The following DMD variants were observed in gnomAD, a reference collection of about 807,000 sequenced individuals.
The protein encoded by DMD is mutant dystrophin.
DMD carries 63 observed loss-of-function variants against 330.1 expected under a neutral mutation model. The observed-to-expected ratio is 0.19, with a 90% CI of 0.16 to 0.24. DMD has a LOEUF of 0.24. Among genes scored for constraint, DMD ranks in the 10% least tolerant of loss-of-function variants. The pLI is 1.00. For synonymous variants in DMD, 1,223 were observed against 959.8 expected (o/e 1.27, Z -5.07); for missense variants, 3,344 against 2,684.1 (o/e 1.25, Z -5.43).
intron 54 of DMD, among the ~76,000 whole-genome samples, chrX:31,650,823 A>G (rs1294968372): frequency 9.0e-6 from 1 of 110,542 alleles, no homozygotes; most frequent in Non-Finnish European, 1.9e-5. Context: ...TCAGGAGGGT[A>G]AAAAAAAAGC....
chrX:33,270,346 A>G (rs5928219), intron 1 of DMD, among the ~76,000 whole-genome samples: 12,371 of 110,554 alleles, frequency 0.11, 635 homozygotes, highest in Non-Finnish European at 0.16. Context: ...AAAAAAAAAA[A>G]TCAGACAAAG....
At chrX:32,782,902 T>C (rs73462817) in intron 7 of DMD, among the ~76,000 whole-genome samples, 5,711 of 104,941 alleles carry the variant, frequency 0.054, 464 homozygotes, top group African/African-American at 0.19. Flanking sequence ...TATACACATA[T>C]ATATCATATA....
chrX:31,787,098 C>T lies in DMD; in HGVS notation c.7310-12906G>A, dbSNP rs766875850. Among the ~76,000 whole-genome samples, 17 of 112,003 alleles carry T rather than the reference C, an allele frequency of 1.5e-4. No individual in the cohort carries two copies. In the South Asian group the frequency reaches 1.9e-3, roughly 12 times the overall value. ...TTTTTAAAGTTAATTATAAGCCAGGCGCTGTGGCTCATGCCTGTAATACCA... is the reference window on the plus strand; with the variant it reads ...TTTTTAAAGTTAATTATAAGCCAGGTGCTGTGGCTCATGCCTGTAATACCA... On this transcript the variant is annotated intron_variant, in intron 50 of 78. Transcript: ENST00000357033.
At chrX:32,275,254 T>C (rs139075086) in intron 43 of DMD, among the ~76,000 whole-genome samples, 373 of 112,095 alleles carry the variant, frequency 3.3e-3, no homozygotes, top group African/African-American at 0.011. Context: ...CTACGCTTGA[T>C]GGAGGGAGAT....
At chrX:31,645,494 G>A (rs951005900) in intron 54 of DMD, among the ~76,000 whole-genome samples, 15 of 112,206 alleles carry the variant, frequency 1.3e-4, no homozygotes, top group African/African-American at 4.5e-4. Flanking sequence ...CAAAATTCAC[G>A]TAACACAAAT....
chrX:32,501,778 G>T lies in DMD; in HGVS notation c.2357C>A (p.Ala786Asp), dbSNP rs1363499842. Residue 786 changes from alanine (A) to aspartate (D), a missense_variant, in exon 19 of 79, where the codon GCC (alanine) becomes GAC (aspartate). Physicochemically the swap from Ala to Asp is moderately radical, Grantham distance 126. Transcript: ENST00000357033. ...ACCATTCACCATCTGTTCCACCAGG[G>T]CCTGAGCTGATCTGCTGGCATCTTG... ...KLQDASRSAQ[A>D]LVEQMVNEGV... 2 of 1,208,377 alleles carry T rather than the reference G, an allele frequency of 1.7e-6. No individual in the cohort carries two copies. Among genetic ancestry groups the T allele is most frequent in the South Asian group, 3.5e-5 (2 of 56,473 alleles).
At chrX:33,033,123 T>A (rs1362811436) in intron 1 of DMD, among the ~76,000 whole-genome samples, 1 of 111,195 alleles carries the variant, frequency 9.0e-6, no homozygotes, top group East Asian at 2.8e-4. Flanking sequence ...ATTATCCAAG[T>A]GGCAGAGCAA....
intron 1 of DMD, among the ~76,000 whole-genome samples, chrX:33,239,476 C>A (rs1423687916): frequency 1.8e-5 from 2 of 109,968 alleles, no homozygotes; most frequent in Non-Finnish European, 3.8e-5. Flanking sequence ...AGGGCAATAC[C>A]TTTACTTATT....
intron 29 of DMD, among the ~76,000 whole-genome samples, chrX:32,417,822 T>TACACACAC (rs397933423): frequency 3.8e-5 from 4 of 105,338 alleles, no homozygotes; most frequent in Non-Finnish European, 5.9e-5. Flanking sequence ...GTATCTCTGT[T>TACACACAC]ACACACACAC....
At chrX:31,501,822 T>C (rs1443876816) in intron 56 of DMD, among the ~76,000 whole-genome samples, 1 of 111,636 alleles carries the variant, frequency 9.0e-6, no homozygotes, top group African/African-American at 3.3e-5. Context: ...TCCCTATAAA[T>C]CTTTAGTACC....
intron 60 of DMD, among the ~76,000 whole-genome samples, chrX:31,407,561 T>C (rs1489606409): frequency 9.5e-6 from 1 of 105,555 alleles, no homozygotes; most frequent in African/African-American, 3.5e-5. Flanking sequence ...GAGCTTCACC[T>C]CCCGGGTTCA....
At chrX:32,773,048 T>TC (rs2073792784) in intron 7 of DMD, among the ~76,000 whole-genome samples, 2 of 111,826 alleles carry the variant, frequency 1.8e-5, no homozygotes, top group Admixed American at 9.5e-5. Context: ...GTCATGCTCC[T>TC]CTTCTGAGAG....
At chrX:31,343,382 G>A (rs1038402428) in intron 61 of DMD, among the ~76,000 whole-genome samples, 8 of 110,983 alleles carry the variant, frequency 7.2e-5, no homozygotes, top group Non-Finnish European at 1.1e-4. Context: ...GTCTATCAGC[G>A]GAGAAGGGTC....
At chrX:32,335,471 CATGT>C (rs1209702620) in intron 41 of DMD, among the ~76,000 whole-genome samples, 10 of 98,301 alleles carry the variant, frequency 1.0e-4, no homozygotes, top group African/African-American at 2.2e-4. Context: ...GTATATATAA[CATGT>C]ATTTATAACA....
chrX:31,436,917 TTC>T (rs1180510342), intron 60 of DMD, among the ~76,000 whole-genome samples: 4 of 112,020 alleles, frequency 3.6e-5, no homozygotes, highest in Non-Finnish European at 7.5e-5. Flanking sequence ...AAACACATAC[TTC>T]TTTCTTTTTT....
At chrX:32,375,728 TA>T (rs2097899846) in intron 34 of DMD, among the ~76,000 whole-genome samples, 1 of 111,730 alleles carries the variant, frequency 9.0e-6, no homozygotes, top group South Asian at 3.7e-4. Flanking sequence ...GCTTTTACTA[TA>T]TATTATATAT....
intron 69 of DMD, 105 bp downstream of exon 69, chrX:31,180,265 G>T: frequency 1.6e-6 from 1 of 612,767 alleles, no homozygotes; most frequent in African/African-American, 2.2e-5. Flanking sequence ...GGGAACATCT[G>T]GGGAAGTGAC....
intron 47 of DMD, among the ~76,000 whole-genome samples, chrX:31,903,522 GAAGAT>G (rs2094446506): frequency 2.7e-5 from 3 of 112,081 alleles, no homozygotes; most frequent in African/African-American, 9.7e-5. Context: ...GAAAAAGATG[GAAGAT>G]AAGAATCATT....
intron 3 of DMD, among the ~76,000 whole-genome samples, chrX:32,846,723 TAAAAAAA>T (rs10564725): frequency 3.7e-5 from 2 of 53,582 alleles, no homozygotes; most frequent in South Asian, 1.7e-3. Flanking sequence ...ACTTTAGATT[TAAAAAAA>T]AAAAAAAAAA....
Sources: gnomAD v4.1 joint callset for allele counts (sites outside exome capture counted in the v4.1 genomes callset) on GRCh38, gnomAD v4.1.1 for gene constraint, MANE v1.5 for transcripts, NCBI Gene and HGNC (gene_info 2026-07-23, HGNC 2026-07-21) for gene names.